HERC3: variants seen among roughly 807,000 people sequenced by gnomAD.
HERC3 encodes the protein HECT and RLD domain containing E3 ubiquitin protein ligase 3.
HERC3 carries 58 observed loss-of-function variants against 129.9 expected under a neutral mutation model. The ratio of observed to expected loss-of-function variants is 0.45; its 90% CI spans 0.36 to 0.56. The LOEUF (loss-of-function observed/expected upper bound fraction) is 0.56, where lower values mean the gene tolerates loss of function less well. HERC3 is among the 20% of genes least tolerant of loss of function. The pLI, the probability that HERC3 is intolerant of heterozygous loss-of-function variation, is 0.00. For synonymous variants in HERC3, 430 were observed against 451.0 expected, an observed-to-expected ratio of 0.95 and a Z score of 0.59; for missense variants, 835 against 1,244.2, an observed-to-expected ratio of 0.67 and a Z score of 4.95.
At chr4:88,557,043 CATCT>C in the HERC3 span, among the ~76,000 whole-genome samples, 3 of 152,138 alleles carry the variant, frequency 2.0e-5, no homozygotes, top group Non-Finnish European at 1.5e-5. Context: ...CCCCTTCCTC[CATCT>C]ATCCCTTTTA....
the HERC3 span, among the ~76,000 whole-genome samples, chr4:88,548,239 A>T: frequency 1.3e-5 from 2 of 152,342 alleles, no homozygotes; most frequent in Admixed American, 1.3e-4. Flanking sequence ...TGGTGGCCAT[A>T]TAACTCTGTG....
Position 88,697,341 on chromosome 4 carries a change from C to T in HERC3, c.2658-6757C>T, listed in dbSNP as rs777834795. The T allele has an allele frequency of 5.6e-6, 9 of 1,613,948 alleles. No individual in the cohort carries two copies. In the South Asian group the frequency reaches 7.7e-5, roughly 14 times the overall value. ...CATCCTCGTACTCCTCTTCCTCCTC[C>T]TCCTCCCCCTCCAAGGTCCATGCAC... On this transcript the variant is annotated intron_variant, in intron 23 of 25. Transcript: ENST00000402738.
At chr4:88,539,812 C>T in the HERC3 span, among the ~76,000 whole-genome samples, 1 of 152,160 alleles carries the variant, frequency 6.6e-6, no homozygotes, top group African/African-American at 2.4e-5. Context: ...GAGTGAACCT[C>T]CAGCAAACTC....
intron 10 of HERC3, among the ~76,000 whole-genome samples, chr4:88,660,554 AGGTGAAAGAAG>A (rs1345331175): frequency 6.6e-6 from 1 of 152,186 alleles, no homozygotes; most frequent in Non-Finnish European, 1.5e-5. Flanking sequence ...GCCAGGCCTT[AGGTGAAAGAAG>A]GGAGGGAAGG....
At chr4:88,588,602 G>A (rs1336378773), upstream of HERC3, among the ~76,000 whole-genome samples, 1 of 152,162 alleles carries the variant, frequency 6.6e-6, no homozygotes, top group Non-Finnish European at 1.5e-5. Flanking sequence ...AGAATGTCCT[G>A]GGTAGCCTGT....
chr4:88,568,054 G>A, the HERC3 span, among the ~76,000 whole-genome samples: 2 of 152,226 alleles, frequency 1.3e-5, no homozygotes, highest in Middle Eastern at 3.2e-3. Context: ...TTGCCTTAGT[G>A]GTCTTGTGTA....
At chr4:88,605,436 T>A (rs1199152018) in intron 2 of HERC3, among the ~76,000 whole-genome samples, 5 of 152,132 alleles carry the variant, frequency 3.3e-5, no homozygotes, top group Non-Finnish European at 5.9e-5. Flanking sequence ...TAAGGTGAAG[T>A]CTTGAGAGTA....
At position 88,676,369 on chromosome 4, in the gene HERC3, T is replaced by G; in HGVS notation, c.1971T>G (p.Phe657Leu). 6.2e-7 allele frequency: 1 copy of G among 1,613,168 alleles called. No individual in the cohort carries two copies. The highest frequency in any genetic ancestry group is 8.5e-7 in the Non-Finnish European group (1 of 1,179,204). Residue 657 changes from phenylalanine (F) to leucine (L), a missense_variant, in exon 18 of 26, where the codon TTT (phenylalanine) becomes TTG (leucine). Phe to Leu is a conservative substitution (Grantham distance 22). Coordinates refer to ENST00000402738, the MANE Select transcript of HERC3 (RefSeq NM_014606.3). Reference sequence around the variant, plus strand: ...CACTTTGTTCCTACCCTTTCATCTTTGATGCCCAAGCCAAGACCAAAATGT... The same window carrying G: ...CACTTTGTTCCTACCCTTTCATCTTGGATGCCCAAGCCAAGACCAAAATGT... ...TVTLCSYPFI[F>L]DAQAKTKMLQ...
intron 3 of HERC3, among the ~76,000 whole-genome samples, chr4:88,640,567 C>T (rs1727973784): frequency 6.6e-6 from 1 of 152,010 alleles, no homozygotes; most frequent in Admixed American, 6.5e-5. Context: ...TACAGTGGGG[C>T]CTTTTGGTGG....
At chr4:88,558,127 T>C in the HERC3 span, among the ~76,000 whole-genome samples, 1 of 151,378 alleles carries the variant, frequency 6.6e-6, no homozygotes. Flanking sequence ...AACTACCATT[T>C]GATCCACTAA....
the HERC3 span, among the ~76,000 whole-genome samples, chr4:88,526,708 G>C: frequency 6.6e-6 from 1 of 151,864 alleles, no homozygotes; most frequent in African/African-American, 2.4e-5. Flanking sequence ...GCTAATTTTT[G>C]TATTTTTTGT....
chr4:88,656,420 G>A (rs1578254787), intron 9 of HERC3: 1 of 179,706 alleles, frequency 5.6e-6, no homozygotes, highest in African/African-American at 2.4e-5. Flanking sequence ...CAAAGAAGGA[G>A]CAGACACTTC....
chr4:88,529,265 A>G, the HERC3 span, among the ~76,000 whole-genome samples: 1 of 152,272 alleles, frequency 6.6e-6, no homozygotes, highest in South Asian at 2.1e-4. Flanking sequence ...GGAGTTCAAG[A>G]CCAGACTGAG....
At chr4:88,567,026 T>G in the HERC3 span, among the ~76,000 whole-genome samples, 3 of 152,166 alleles carry the variant, frequency 2.0e-5, no homozygotes, top group East Asian at 5.8e-4. Context: ...TGGACTCAAG[T>G]GATTCACCTG....
the HERC3 span, among the ~76,000 whole-genome samples, chr4:88,536,469 T>A: frequency 2.0e-5 from 3 of 152,188 alleles, no homozygotes; most frequent in Non-Finnish European, 4.4e-5. Context: ...ACTCACTCAC[T>A]CACTCACTCT....
At chr4:88,688,122 C>G (rs530449718) in intron 23 of HERC3, among the ~76,000 whole-genome samples, 1 of 152,064 alleles carries the variant, frequency 6.6e-6, no homozygotes, top group African/African-American at 2.4e-5. Flanking sequence ...CCAGGTGCCA[C>G]GGTACTAGGG....
At chr4:88,657,909 A>C (rs1560729236) in intron 9 of HERC3, among the ~76,000 whole-genome samples, 1 of 151,150 alleles carries the variant, frequency 6.6e-6, no homozygotes, top group African/African-American at 2.4e-5. Context: ...CAGAGGGGGG[A>C]GGCACCGAGA....
chr4:88,655,638 A>G (rs1221020451), intron 8 of HERC3, among the ~76,000 whole-genome samples: 2 of 152,210 alleles, frequency 1.3e-5, no homozygotes, highest in Non-Finnish European at 2.9e-5. Flanking sequence ...TTCATCTTAG[A>G]GGCCACATGC....
intron 10 of HERC3, among the ~76,000 whole-genome samples, chr4:88,660,096 A>G (rs932347070): frequency 3.9e-5 from 6 of 152,216 alleles, no homozygotes; most frequent in African/African-American, 1.2e-4. Flanking sequence ...TACTTAAACT[A>G]TTAACCAGAG....
Sources: allele counts gnomAD v4.1 joint callset (sites outside exome capture counted in the v4.1 genomes callset), GRCh38; gene constraint gnomAD v4.1.1; transcripts MANE v1.5; gene names NCBI Gene and HGNC (gene_info 2026-07-23, HGNC 2026-07-21).